Variants in SMYD3 observed in about 807,000 individuals in gnomAD.
SMYD3 encodes the protein SET and MYND domain containing 3.
Under a neutral mutation model 57.7 loss-of-function variants are expected in SMYD3, and 36 were observed. The ratio of observed to expected loss-of-function variants is 0.62; its 90% CI spans 0.48 to 0.82. SMYD3 has a LOEUF of 0.82. Among genes scored for constraint, SMYD3 ranks in the 40% least tolerant of loss-of-function variants. The pLI is 0.00. For synonymous variants in SMYD3, 211 were observed against 195.0 expected (o/e 1.08, Z -0.68); for missense variants, 515 against 538.8 (o/e 0.96, Z 0.44).
chr1:246,369,321 C>A (rs1572429234), intron 1 of SMYD3, among the ~76,000 whole-genome samples: 2 of 152,144 alleles, frequency 1.3e-5, no homozygotes, highest in Admixed American at 6.5e-5. Flanking sequence ...AGCCACTGTA[C>A]ACAAATTCAG....
At chr1:246,140,215 G>A (rs2061730991) in intron 5 of SMYD3, among the ~76,000 whole-genome samples, 1 of 152,176 alleles carries the variant, frequency 6.6e-6, no homozygotes, top group African/African-American at 2.4e-5. Flanking sequence ...AAAGGATGAT[G>A]GGTTCTGGGG....
At chr1:246,417,970 A>G (rs2067087796) in intron 1 of SMYD3, among the ~76,000 whole-genome samples, 1 of 152,212 alleles carries the variant, frequency 6.6e-6, no homozygotes, top group Admixed American at 6.5e-5. Flanking sequence ...CTGGGGTCAG[A>G]AGCAAGATAA....
chr1:245,776,502 G>A (rs879759629), intron 10 of SMYD3, among the ~76,000 whole-genome samples: 37 of 152,218 alleles, frequency 2.4e-4, no homozygotes, highest in Admixed American at 3.3e-4. Context: ...TTACCAAGCC[G>A]TATGTATCTG....
chr1:245,911,930 G>C (rs2055022451), intron 8 of SMYD3, among the ~76,000 whole-genome samples: 1 of 152,070 alleles, frequency 6.6e-6, no homozygotes, highest in Non-Finnish European at 1.5e-5. Flanking sequence ...GGATCTCCCA[G>C]TTACCCAGAT....
At chr1:245,987,002 A>ACC (rs2058718480) in intron 5 of SMYD3, among the ~76,000 whole-genome samples, 1 of 152,192 alleles carries the variant, frequency 6.6e-6, no homozygotes, top group Non-Finnish European at 1.5e-5. Context: ...TGGAGAGCAT[A>ACC]CCTCCTTTTA....
At chr1:245,934,231 A>G (rs74154341) in intron 5 of SMYD3, among the ~76,000 whole-genome samples, 20,578 of 152,198 alleles carry the variant, frequency 0.14, 1,863 homozygotes, top group East Asian at 0.53. Context: ...TAGTTTTATT[A>G]AACCCTGGAC....
chr1:246,291,469 C>T (rs1184928440), intron 5 of SMYD3, among the ~76,000 whole-genome samples: 1 of 152,168 alleles, frequency 6.6e-6, no homozygotes, highest in Admixed American at 6.5e-5. Flanking sequence ...ATATGTTAAC[C>T]TCCAAATAAA....
At chr1:245,763,013 G>C (rs1163156350) in intron 11 of SMYD3, among the ~76,000 whole-genome samples, 1 of 152,210 alleles carries the variant, frequency 6.6e-6, no homozygotes, top group Non-Finnish European at 1.5e-5. Flanking sequence ...GACTAGAGGA[G>C]AGGAAGTTCT....
chr1:245,751,508 A>T (rs551627228), intron 11 of SMYD3, among the ~76,000 whole-genome samples: 1 of 150,838 alleles, frequency 6.6e-6, no homozygotes, highest in Non-Finnish European at 1.5e-5. Context: ...GAGGGGGTCT[A>T]GATTTGCTGC....
intron 10 of SMYD3, among the ~76,000 whole-genome samples, chr1:245,764,444 G>C (rs1336704584): frequency 1.3e-5 from 2 of 151,848 alleles, no homozygotes. Context: ...GTTGATATTT[G>C]GGAGGGGTGG....
At chr1:245,809,976 A>G (rs2048369948) in intron 10 of SMYD3, among the ~76,000 whole-genome samples, 1 of 152,180 alleles carries the variant, frequency 6.6e-6, no homozygotes, top group Admixed American at 6.5e-5. Context: ...CAGGTACCCA[A>G]TTTACCACTG....
intron 5 of SMYD3, among the ~76,000 whole-genome samples, chr1:246,103,740 TA>T (rs1483592105): frequency 6.6e-6 from 1 of 152,176 alleles, no homozygotes; most frequent in African/African-American, 2.4e-5. Context: ...TCAAAATTAT[TA>T]GTGTGAAAAT....
intron 10 of SMYD3, among the ~76,000 whole-genome samples, chr1:245,797,308 A>G (rs1407644448): frequency 6.6e-6 from 1 of 152,192 alleles, no homozygotes; most frequent in Non-Finnish European, 1.5e-5. Context: ...CTGGATTAAG[A>G]AAATGTGGCA....
At chr1:246,113,184 A>AAAAT (rs61169442) in intron 5 of SMYD3, among the ~76,000 whole-genome samples, 18,704 of 145,374 alleles carry the variant, frequency 0.13, 1,296 homozygotes, top group Admixed American at 0.18. Context: ...TCTGTCTCAA[A>AAAAT]AAATAAATAA....
intron 1 of SMYD3, among the ~76,000 whole-genome samples, chr1:246,371,415 G>A (rs2066189965): frequency 6.6e-6 from 1 of 152,102 alleles, no homozygotes; most frequent in Non-Finnish European, 1.5e-5. Context: ...GTCTAGTCTA[G>A]TAACACAACT....
rs562352403 is a variant in SMYD3 at position 246,201,101 on chromosome 1, T to C, written c.531+126100A>G. Among the ~76,000 whole-genome samples, 31 of 152,342 alleles carry C rather than the reference T, an allele frequency of 2.0e-4. 1 individual carries two copies. Among genetic ancestry groups the C allele is most frequent in the Non-Finnish European group, 2.9e-4 (20 of 68,026 alleles). On this transcript the variant is annotated intron_variant, in intron 5 of 11. Coordinates refer to ENST00000490107, the MANE Select transcript of SMYD3 (RefSeq NM_001167740.2). ...GCTTTTATATAAACCTAAGTTTCCA[T>C]GGCTATTGACAGAAAATGGTGATAC...
chr1:246,442,099 A>G (rs1385426870), intron 1 of SMYD3, among the ~76,000 whole-genome samples: 1 of 152,238 alleles, frequency 6.6e-6, no homozygotes, highest in Non-Finnish European at 1.5e-5. Flanking sequence ...ATATCATATA[A>G]TAAGTGCTAC....
chr1:245,934,219 C>T (rs903645297), intron 5 of SMYD3, among the ~76,000 whole-genome samples: 1 of 152,160 alleles, frequency 6.6e-6, no homozygotes, highest in Non-Finnish European at 1.5e-5. Context: ...GTTTAATGTA[C>T]TTAGTTTTAT....
At chr1:246,347,890 A>G (rs2065749339) in intron 2 of SMYD3, among the ~76,000 whole-genome samples, 1 of 151,788 alleles carries the variant, frequency 6.6e-6, no homozygotes, top group Non-Finnish European at 1.5e-5. Flanking sequence ...CTAAGTCTTG[A>G]ACTACCATGT....
Sources: allele counts gnomAD v4.1 joint callset (sites outside exome capture counted in the v4.1 genomes callset), GRCh38; gene constraint gnomAD v4.1.1; transcripts MANE v1.5; gene names NCBI Gene and HGNC (gene_info 2026-07-23, HGNC 2026-07-21).